SERPINE2: variants seen among roughly 807,000 people sequenced by gnomAD.
SERPINE2 encodes glia-derived nexin.
Under a neutral mutation model 36.3 loss-of-function variants are expected in SERPINE2, and 14 were observed. The ratio of observed to expected loss-of-function variants is 0.39; its 90% confidence interval spans 0.25 to 0.60. The LOEUF is 0.60. Ranked by LOEUF, SERPINE2 falls within the 20% of genes least tolerant of loss-of-function variation. The pLI, the probability that SERPINE2 is intolerant of heterozygous loss-of-function variation, is 0.57. For synonymous variants in SERPINE2, 192 were observed against 191.8 expected (o/e 1.00, Z -0.01); for missense variants, 418 against 499.6 (o/e 0.84, Z 1.56).
In SERPINE2 at chr2:224,001,665, A is replaced by G; in HGVS notation, c.236T>C (p.Met79Thr). The G allele has an allele frequency of 1.2e-6, 2 of 1,614,002 alleles. No individual in the cohort carries two copies. The highest frequency in any genetic ancestry group is 1.7e-6 in the Non-Finnish European group (2 of 1,180,010). Residue 79 changes from methionine (M) to threonine (T), a missense_variant, in exon 2 of 9, where the codon ATG becomes ACG. Transcript: ENST00000409304. Reference sequence around the variant, plus strand: ...ACCATTTACGCCGTATCTCATCACCATGGCGAGCTGCTTCTTGGTCCTGCC... The same window carrying G: ...ACCATTTACGCCGTATCTCATCACCGTGGCGAGCTGCTTCTTGGTCCTGCC... ...ADGRTKKQLA[M>T]VMRYGVNGVG...
chr2:223,990,946 CTAGCCTGGGTAACACAGT>C (rs1690641403), intron 4 of SERPINE2, among the ~76,000 whole-genome samples: 2 of 152,174 alleles, frequency 1.3e-5, no homozygotes, highest in Non-Finnish European at 2.9e-5. Flanking sequence ...CCACTGTAGT[CTAGCCTGGGTAACACAGT>C]GAGACTCTAT....
Position 223,975,921 on chromosome 2 carries a change from A to G in SERPINE2, c.1157-17T>C, listed in dbSNP as rs371867527. 3.2e-4 allele frequency: 509 copies of G among 1,594,784 alleles called. No individual in the cohort carries two copies. Among genetic ancestry groups the G allele is most frequent in the Non-Finnish European group, 3.9e-4 (456 of 1,166,494 alleles). The stretch of plus-strand genomic sequence containing the variant: ...ACACAGCACCTACAGAATTAAAAGA[A>G]AACAATGCATGACTCTGTAAATTAA... On this transcript the variant is annotated splice_polypyrimidine_tract_variant and intron_variant, in intron 8 of 8. Coordinates refer to ENST00000409304, the MANE Select transcript of SERPINE2 (RefSeq NM_001136528.2).
intron 1 of SERPINE2, chr2:224,031,165 C>T (rs1481853346): frequency 1.0e-6 from 1 of 985,320 alleles, no homozygotes; most frequent in African/African-American, 1.7e-5. Flanking sequence ...GTTCACACAT[C>T]TACAGACCCG....
At chr2:223,984,641 G>C (rs1378338863) in intron 5 of SERPINE2, 111 bp downstream of exon 5, 1 of 1,009,080 alleles carries the variant, frequency 9.9e-7, no homozygotes, top group African/African-American at 1.6e-5. Context: ...CTGCAGAACA[G>C]AACAGGCTTC....
At chr2:224,036,414 A>T (rs1206426418) in intron 1 of SERPINE2, among the ~76,000 whole-genome samples, 1 of 151,164 alleles carries the variant, frequency 6.6e-6, no homozygotes, top group Non-Finnish European at 1.5e-5. Context: ...GGGTATCCAT[A>T]AGATTGCTTG....
At chr2:224,036,597 C>T (rs752681615) in intron 1 of SERPINE2, among the ~76,000 whole-genome samples, 3 of 148,158 alleles carry the variant, frequency 2.0e-5, no homozygotes, top group Non-Finnish European at 4.4e-5. Context: ...CAAACCTGCA[C>T]GTTCTGCACA....
At chr2:223,992,242 C>CA (rs1690702702) in intron 3 of SERPINE2, among the ~76,000 whole-genome samples, 1 of 152,092 alleles carries the variant, frequency 6.6e-6, no homozygotes, top group Admixed American at 6.5e-5. Context: ...CTAGGGGTTA[C>CA]AAAACTTTTC....
intron 3 of SERPINE2, among the ~76,000 whole-genome samples, chr2:223,995,613 T>C (rs978416548): frequency 7.7e-6 from 1 of 130,348 alleles, no homozygotes; most frequent in African/African-American, 2.6e-5. Flanking sequence ...TTGGGTTTTT[T>C]GTTTTTGTTT....
intron 4 of SERPINE2, among the ~76,000 whole-genome samples, chr2:223,987,578 T>G (rs981621332): frequency 6.6e-6 from 1 of 152,196 alleles, no homozygotes; most frequent in Non-Finnish European, 1.5e-5. Flanking sequence ...AATAGGTTGA[T>G]TCATTCTGAA....
chr2:224,025,463 A>T (rs181510979), intron 1 of SERPINE2, among the ~76,000 whole-genome samples: 23 of 152,354 alleles, frequency 1.5e-4, no homozygotes, highest in Middle Eastern at 3.4e-3. Context: ...CAGATAAGAC[A>T]GCCCTCTTCT....
In SERPINE2 at chr2:223,984,791, C is replaced by T; in HGVS notation, c.845G>A (p.Ser282Asn). The T allele has an allele frequency of 3.1e-6, 5 of 1,613,518 alleles. No individual in the cohort carries two copies. The highest frequency in any genetic ancestry group is 4.2e-6 in the Non-Finnish European group (5 of 1,179,952). ...CTGCACCCTCTTGGGCACCATGATG[C>T]TCATCCAGCTGTCTATGGTCTTGGT... is the stretch of plus-strand genomic sequence containing the variant. ...ISTKTIDSWM[S>N]IMVPKRVQVI... is the part of the protein sequence containing the mutation. Residue 282 changes from serine (S) to asparagine (N), a missense_variant, in exon 5 of 9, where the codon AGC (serine) becomes AAC (asparagine). By Grantham distance (46) the Ser-to-Asn change is conservative (BLOSUM62 1). Transcript: ENST00000409304.
intron 1 of SERPINE2, among the ~76,000 whole-genome samples, chr2:224,009,352 C>T (rs1055519207): frequency 1.3e-5 from 2 of 152,030 alleles, no homozygotes; most frequent in Admixed American, 6.6e-5. Flanking sequence ...ATGTTTTGTC[C>T]GAATCATGAC....
intron 1 of SERPINE2, among the ~76,000 whole-genome samples, chr2:224,018,052 C>T (rs1279112712): frequency 1.3e-5 from 2 of 152,190 alleles, no homozygotes; most frequent in Non-Finnish European, 2.9e-5. Context: ...CAGACTTTCA[C>T]ATCTGGTCAC....
intron 1 of SERPINE2, among the ~76,000 whole-genome samples, chr2:224,029,207 AT>A (rs780130476): frequency 1.2e-4 from 18 of 152,216 alleles, no homozygotes; most frequent in Non-Finnish European, 2.6e-4. Flanking sequence ...TAGTATACAC[AT>A]TTCAAACAGA....
intron 8 of SERPINE2, 135 bp downstream of exon 8, chr2:223,977,409 T>C (rs1017180123): frequency 2.1e-5 from 14 of 662,910 alleles, no homozygotes; most frequent in Non-Finnish European, 3.9e-5. Context: ...TGGGTGGTTA[T>C]ATTATTCAAA....
At chr2:224,015,244 T>C (rs1691762354) in intron 1 of SERPINE2, among the ~76,000 whole-genome samples, 2 of 152,234 alleles carry the variant, frequency 1.3e-5, no homozygotes, top group Admixed American at 1.3e-4. Context: ...ACTTGATATT[T>C]ACTTTCATTT....
rs115958103 is a variant in SERPINE2, at chr2:224,001,332, G to A, written c.259+310C>T. Among the ~76,000 whole-genome samples, 1,064 of 152,314 alleles carry A rather than the reference G, an allele frequency of 7.0e-3. 13 individuals carry two copies. Among genetic ancestry groups the A allele is most frequent in the African/African-American group, 0.024 (1,000 of 41,572 alleles). ...ATCACAGCGCAACTCAACCCTGGGC[G>A]CCATGGAGGCGGTAAGCCAGGAAGT... On this transcript the variant is annotated intron_variant, in intron 2 of 8. Coordinates refer to ENST00000409304, the MANE Select transcript of SERPINE2 (RefSeq NM_001136528.2).
intron 2 of SERPINE2, among the ~76,000 whole-genome samples, 188 bp from the exon 3 acceptor site, chr2:223,998,530 T>C (rs574671206): frequency 1.1e-4 from 16 of 151,886 alleles, no homozygotes; most frequent in Admixed American, 7.2e-4. Flanking sequence ...ACAACCTGGG[T>C]AATATGACAA....
intron 7 of SERPINE2, chr2:223,978,843 G>C (rs1008153630): frequency 6.6e-6 from 1 of 152,240 alleles, no homozygotes; most frequent in African/African-American, 2.4e-5. Flanking sequence ...AACCCCTAAC[G>C]TAACTGTATT....
Sources: gnomAD v4.1 joint callset for allele counts (sites outside exome capture counted in the v4.1 genomes callset) on GRCh38, gnomAD v4.1.1 for gene constraint, MANE v1.5 for transcripts, NCBI Gene and HGNC (gene_info 2026-07-23, HGNC 2026-07-21) for gene names.